SLC18B1: variants seen among roughly 807,000 people sequenced by gnomAD.
SLC18B1 encodes solute carrier family 18 member B1.
Under a neutral mutation model 53.9 loss-of-function variants are expected in SLC18B1, and 62 were observed. The ratio of observed to expected loss-of-function variants is 1.15; its 90% CI spans 0.94 to 1.42. SLC18B1 has a LOEUF of 1.42. SLC18B1 is among the 40% of genes most tolerant of loss of function. The probability of loss-of-function intolerance (pLI) is 0.00; values close to 1 mark genes in which losing one functional copy is unlikely to be tolerated. For synonymous variants in SLC18B1, 217 were observed against 200.9 expected, an observed-to-expected ratio of 1.08 and a Z score of -0.68; for missense variants, 598 against 547.3, an observed-to-expected ratio of 1.09 and a Z score of -0.93.
intron 6 of SLC18B1, among the ~76,000 whole-genome samples, chr6:132,780,433 C>T (rs1182409147): frequency 6.6e-6 from 1 of 152,134 alleles, no homozygotes; most frequent in South Asian, 2.1e-4. Flanking sequence ...ACATCCTGCA[C>T]AGTTCATTAT....
chr6:132,790,254 T>C lies in SLC18B1; in HGVS notation c.202A>G (p.Ser68Gly). The change falls in exon 3 of 14, where the codon AGC becomes GGC. Residue 68 changes from serine to glycine, a missense_variant. Coordinates refer to ENST00000275227, the MANE Select transcript of SLC18B1 (RefSeq NM_052831.3). ...FPKEAEKKGASNTIIGMIFGC... is the reference protein window; with the variant it reads ...FPKEAEKKGAGNTIIGMIFGC... Reference sequence around the variant, plus strand: ...AAGATCATACCGATAATTGTATTGCTGGCTCCCTTCTTTTCAGCCTTTAAG... The same window carrying C: ...AAGATCATACCGATAATTGTATTGCCGGCTCCCTTCTTTTCAGCCTTTAAG... The C allele has an allele frequency of 6.4e-7, 1 of 1,563,352 alleles. No individual in the cohort carries two copies. Among genetic ancestry groups the C allele is most frequent in the Admixed American group, 1.9e-5 (1 of 53,518 alleles).
chr6:132,779,203 C>T (rs1781168694), intron 7 of SLC18B1, 65 bp downstream of exon 7: 1 of 1,587,436 alleles, frequency 6.3e-7, no homozygotes, highest in Non-Finnish European at 8.6e-7. Flanking sequence ...CAGAGCAGGG[C>T]CCAAGAACAA....
At chr6:132,796,094 A>G (rs1322683089) in intron 2 of SLC18B1, among the ~76,000 whole-genome samples, 3 of 152,084 alleles carry the variant, frequency 2.0e-5, no homozygotes, top group Non-Finnish European at 4.4e-5. Context: ...CACGCCTGTA[A>G]TCCCAGCACT....
rs1781478959 is a variant in SLC18B1 at position 132,789,888 on chromosome 6, A to G, written c.280-51T>C. ...GTAAATTTATGACTTCCGAAAGTCT[A>G]TATTGATATAAACAAATCCACTGTA... On this transcript the variant is annotated intron_variant, in intron 3 of 13. Transcript: ENST00000275227. 2.4e-6 allele frequency: 3 copies of G among 1,274,516 alleles called. No homozygotes were observed. The African/African-American group carries it at 4.4e-5, about 19-fold the overall frequency. The allele number at this position is 1,274,516 out of a possible 1,614,324, so 79.0% of individuals were successfully genotyped here.
At position 132,770,243 on chromosome 6, in the gene SLC18B1, C is replaced by G; in HGVS notation, c.*27G>C. 3 of 1,594,216 alleles carry G rather than the reference C, an allele frequency of 1.9e-6. No homozygotes were observed. The highest frequency in any genetic ancestry group is 2.6e-6 in the Non-Finnish European group (3 of 1,162,128). ...AAGGCCAGGAGCATTCATTTCTCAACCTTGTATCAATCCAGGATCCATCGG... is the reference window on the plus strand; with the variant it reads ...AAGGCCAGGAGCATTCATTTCTCAAGCTTGTATCAATCCAGGATCCATCGG... On this transcript the variant is annotated 3_prime_UTR_variant, in exon 14 of 14. Coordinates refer to ENST00000275227, the MANE Select transcript of SLC18B1 (RefSeq NM_052831.3).
At chr6:132,786,890 C>T (rs992186211) in intron 5 of SLC18B1, among the ~76,000 whole-genome samples, 1 of 152,118 alleles carries the variant, frequency 6.6e-6, no homozygotes, top group African/African-American at 2.4e-5. Context: ...CACAAAAACG[C>T]ATGTCAATAT....
intron 8 of SLC18B1, among the ~76,000 whole-genome samples, chr6:132,775,133 T>C (rs1402497226): frequency 3.9e-5 from 6 of 152,186 alleles, no homozygotes; most frequent in Admixed American, 3.9e-4. Context: ...ATTAGTATCC[T>C]TATACAAGAG....
intron 9 of SLC18B1, among the ~76,000 whole-genome samples, chr6:132,773,335 G>T (rs1781023401): frequency 6.6e-6 from 1 of 152,010 alleles, no homozygotes. Context: ...TGGTCCTTTG[G>T]TTACACATAT....
chr6:132,774,867 C>T (rs2114662480), intron 8 of SLC18B1, among the ~76,000 whole-genome samples: 1 of 152,124 alleles, frequency 6.6e-6, no homozygotes, highest in East Asian at 1.9e-4. Flanking sequence ...GCCAAGATCA[C>T]ACCACCGTAC....
At chr6:132,772,046 C>T (rs978319534) in intron 11 of SLC18B1, 86 bp downstream of exon 11, 34 of 904,404 alleles carry the variant, frequency 3.8e-5, no homozygotes, top group South Asian at 2.9e-4. Flanking sequence ...GAGCCAAGAT[C>T]GCACCATTGC....
chr6:132,775,221 G>A (rs1781070412), intron 8 of SLC18B1, among the ~76,000 whole-genome samples: 1 of 152,178 alleles, frequency 6.6e-6, no homozygotes. Context: ...CAGGCAACAG[G>A]CCCTCATCAG....
intron 6 of SLC18B1, among the ~76,000 whole-genome samples, chr6:132,779,733 C>T (rs531120906): frequency 1.3e-5 from 2 of 152,314 alleles, no homozygotes; most frequent in East Asian, 3.9e-4. Context: ...ATGTATTAGT[C>T]TGTTCTCATG....
In SLC18B1 at chr6:132,770,221, G is replaced by C. The variant is rs780566626; in HGVS notation, c.*49C>G. On this transcript the variant is annotated 3_prime_UTR_variant, in exon 14 of 14. Transcript: ENST00000275227. ...AACCCTTCCTACGGTGATGTTTAAG[G>C]CCAGGAGCATTCATTTCTCAACCTT... 7.4e-6 allele frequency: 11 copies of C among 1,493,096 alleles called. No homozygotes were observed. Among genetic ancestry groups the C allele is most frequent in the Non-Finnish European group, 1.0e-5 (11 of 1,072,408 alleles). The allele number at this position is 1,493,096 out of a possible 1,614,324, so 92.5% of individuals were successfully genotyped here.
chr6:132,770,651 G>C (rs1387614836), intron 13 of SLC18B1, among the ~76,000 whole-genome samples: 1 of 152,078 alleles, frequency 6.6e-6, no homozygotes, highest in African/African-American at 2.4e-5. Context: ...CAGGAAAACC[G>C]CTTGAACCCG....
rs752620612 is a variant in SLC18B1, at chr6:132,798,467, T to C, written c.-11A>G. ...ACCCAGCGCCTCCATCCCCGGTGCG[T>C]GGACTCCGGCGCCCCAGCTCCCGGC... On this transcript the variant is annotated 5_prime_UTR_variant, in exon 1 of 14. Coordinates refer to ENST00000275227, the MANE Select transcript of SLC18B1 (RefSeq NM_052831.3). 1.2e-5 allele frequency: 18 copies of C among 1,511,476 alleles called. No individual in the cohort carries two copies. The South Asian group carries it at 2.2e-4, about 19-fold the overall frequency. The allele number at this position is 1,511,476 out of a possible 1,614,324, so 93.6% of individuals were successfully genotyped here.
At chr6:132,796,449 C>T (rs1188213468) in intron 2 of SLC18B1, among the ~76,000 whole-genome samples, 12 of 148,392 alleles carry the variant, frequency 8.1e-5, no homozygotes, top group Non-Finnish European at 1.3e-4. Context: ...TCAATTGAAC[C>T]CGGGAGGCAG....
Position 132,798,557 on chromosome 6 carries a change from T to C in SLC18B1, c.-101A>G, listed in dbSNP as rs1176093894. On this transcript the variant is annotated 5_prime_UTR_variant, in exon 1 of 14. It removes the in-frame stop codon of an upstream open reading frame in the 5' UTR. Transcript: ENST00000275227. Reference sequence around the variant, plus strand: ...TGGCACTCTGGCGGGCGGCCGCTGCTCAGCTGGAACCTGGCATCCCCGACT... The same window carrying C: ...TGGCACTCTGGCGGGCGGCCGCTGCCCAGCTGGAACCTGGCATCCCCGACT... The C allele has an allele frequency of 8.0e-7, 1 of 1,248,980 alleles. No homozygotes were observed. The highest frequency in any genetic ancestry group is 1.0e-6 in the Non-Finnish European group (1 of 956,272). 77.4% of individuals were successfully genotyped at this position (1,248,980 alleles called of 1,614,324 possible).
At position 132,776,348 on chromosome 6, in the gene SLC18B1, G is replaced by T. The variant is rs760367320; in HGVS notation, c.877C>A (p.Leu293Ile). The T allele has an allele frequency of 3.8e-5, 61 of 1,613,206 alleles. No individual in the cohort carries two copies. Among genetic ancestry groups the T allele is most frequent in the Admixed American group, 1.2e-4 (7 of 59,952 alleles). Residue 293 changes from leucine to isoleucine, a missense_variant, in exon 8 of 14, where the codon CTC (leucine) becomes ATC (isoleucine). Leu to Ile is a conservative substitution (Grantham distance 5, BLOSUM62 2). Coordinates refer to ENST00000275227, the MANE Select transcript of SLC18B1 (RefSeq NM_052831.3). ...SYAISSPLFGLLSDKRPPLRK... is the reference protein window; with the variant it reads ...SYAISSPLFGILSDKRPPLRK... ...CGTACTGGCCTTTTATCACTTAGGA[G>T]ACCAAATAGTGGTGAAGAGATGGCA...
chr6:132,795,787 A>T lies in SLC18B1; in HGVS notation c.183+1195T>A, dbSNP rs73772952. 4.6e-3 allele frequency among the ~76,000 whole-genome samples: 704 copies of T among 152,382 alleles called. 9 individuals are homozygous for T. The highest frequency in any genetic ancestry group is 0.016 in the African/African-American group (673 of 41,592). ...GGATTATTATCTTTGAATCTGTGTC[A>T]TTAGCTATAAATCTTAACACCATAT... On this transcript the variant is annotated intron_variant, in intron 2 of 13. Transcript: ENST00000275227.
Sources: allele counts gnomAD v4.1 joint callset (sites outside exome capture counted in the v4.1 genomes callset), GRCh38; gene constraint gnomAD v4.1.1; transcripts MANE v1.5; gene names NCBI Gene and HGNC (gene_info 2026-07-23, HGNC 2026-07-21).